The following MUC4 variants were observed in gnomAD, a reference collection of about 807,000 sequenced individuals.
MUC4 encodes mucin 4, cell surface associated.
A neutral mutation model predicts 257.9 loss-of-function variants in MUC4; 202 were observed. The observed-to-expected ratio is 0.78, with a 90% CI of 0.70 to 0.88. MUC4 has a LOEUF of 0.88. MUC4 is among the 40% of genes least tolerant of loss of function. MUC4 has a pLI of 0.00. For synonymous variants in MUC4, 2,351 were observed against 2,757.1 expected, an observed-to-expected ratio of 0.85 and a Z score of 4.62; for missense variants, 5,976 against 6,513.7, an observed-to-expected ratio of 0.92 and a Z score of 2.84.
At chr3:195,778,275 G>C in intron 3 of MUC4, 28 bp downstream of exon 3, 1 of 1,559,092 alleles carries the variant, frequency 6.4e-7, no homozygotes, top group Non-Finnish European at 8.7e-7. Context: ...CCCCTCAAAA[G>C]GCACAGGCCT....
Position 195,783,091 on chromosome 3 carries a change from G to C in MUC4, c.8489C>G (p.Ala2830Gly). 5.4e-6 allele frequency: 4 copies of C among 734,938 alleles called. No individual in the cohort carries two copies. The highest frequency in any genetic ancestry group is 7.7e-6 in the Non-Finnish European group (4 of 516,200). 45.5% of individuals were successfully genotyped at this position (734,938 alleles called of 1,614,324 possible). Residue 2830 changes from alanine to glycine, a missense_variant, in exon 2 of 25, where the codon GCC (alanine) becomes GGC (glycine). By Grantham distance (60) the Ala-to-Gly change is moderately conservative (BLOSUM62 0). This residue lies in a region of MUC4 where 228 missense variants were observed against 206.3 expected (regional missense o/e 1.11). Transcript: ENST00000463781. ...AGGGATGGTGACAGGAAGAGAGGTG[G>C]CATGACCTGTGAACACTGAGGAAGC... ...TDASSVFTGH[A>G]TSLPVTIPSS... is the part of the protein sequence containing the mutation.
At chr3:195,803,343 T>C (rs935005424) in intron 1 of MUC4, among the ~76,000 whole-genome samples, 2 of 152,248 alleles carry the variant, frequency 1.3e-5, no homozygotes, top group Non-Finnish European at 2.9e-5. Flanking sequence ...CTACTTTAAG[T>C]AGAAATCTGG....
chr3:195,752,659 A>G, intron 20 of MUC4: 1 of 607,486 alleles, frequency 1.6e-6, no homozygotes, highest in South Asian at 2.0e-5. Flanking sequence ...TTCCACAGTG[A>G]CAGAAGGTCG....
rs1300341425 is a variant in MUC4 at position 195,747,266 on chromosome 3, C to G, written c.16149G>C (p.Leu5383=). The change falls in exon 25 of 25, where the codon CTG becomes CTC. Residue 5383 remains leucine (L), a synonymous_variant. Transcript: ENST00000463781. ...FFGALGGLLL[L]GVGTFVVLRF... ...GCAGGACCACGAACGTCCCGACCCCCAGCAGCAAGAGGCCGCCCAGGGCCC... is the reference window on the plus strand; with the variant it reads ...GCAGGACCACGAACGTCCCGACCCCGAGCAGCAAGAGGCCGCCCAGGGCCC... The G allele has an allele frequency of 1.2e-6, 2 of 1,614,240 alleles. No homozygotes were observed. The highest frequency in any genetic ancestry group is 3.3e-5 in the Admixed American group (2 of 60,032).
At chr3:195,759,322 C>A in intron 16 of MUC4, 61 bp from the exon 17 acceptor site, 1 of 1,587,292 alleles carries the variant, frequency 6.3e-7, no homozygotes, top group Non-Finnish European at 8.6e-7. Flanking sequence ...TTATCAGCCT[C>A]CTCTCTTTCT....
intron 4 of MUC4, among the ~76,000 whole-genome samples, chr3:195,773,317 C>T (rs1463105314): frequency 6.8e-6 from 1 of 146,434 alleles, no homozygotes; most frequent in Admixed American, 6.8e-5. Context: ...CTCTCTCTAT[C>T]GCTCAGCAGG....
rs1297829994 is a variant in MUC4, at chr3:195,810,572, A to G, written c.82+1164T>C. On this transcript the variant is annotated intron_variant, in intron 1 of 24. Transcript: ENST00000463781. This position sits in a 1 kb window ranked among gnomAD's most constrained non-coding sequence, Gnocchi z 4.2. ...GCCCAAGGCCAATGCCGGGGCTACG[A>G]GCCCCAGGCAAGGCCGTGACCCAAA... Among the ~76,000 whole-genome samples, 1 of 151,968 alleles carries G rather than the reference A, an allele frequency of 6.6e-6. No homozygotes were observed. The highest frequency in any genetic ancestry group is 1.5e-5 in the Non-Finnish European group (1 of 67,978).
At chr3:195,801,977 G>T (rs1009325746) in intron 1 of MUC4, among the ~76,000 whole-genome samples, 1 of 152,014 alleles carries the variant, frequency 6.6e-6, no homozygotes, top group Admixed American at 6.6e-5. Flanking sequence ...CATGTCTCCA[G>T]CCCTTTCCCT....
rs755591314 is a variant in MUC4, at chr3:195,811,825, G to A, written c.-8C>T. The A allele has an allele frequency of 3.7e-6, 6 of 1,613,258 alleles. No homozygotes were observed. The highest frequency in any genetic ancestry group is 1.3e-5 in the African/African-American group (1 of 75,046). Reference sequence around the variant, plus strand: ...CCAGCGTGCCCCCTTCATGGCTGCGGCAAAAGTCCCCCTGGCTCCCTGGGG... The same window carrying A: ...CCAGCGTGCCCCCTTCATGGCTGCGACAAAAGTCCCCCTGGCTCCCTGGGG... On this transcript the variant is annotated 5_prime_UTR_variant, in exon 1 of 25. Coordinates refer to ENST00000463781, the MANE Select transcript of MUC4 (RefSeq NM_018406.7).
rs1036129376 is a variant in MUC4, at chr3:195,780,355, A to C, written c.11225T>G (p.Val3742Gly). 1 of 1,037,292 alleles carries C rather than the reference A, an allele frequency of 9.6e-7. No homozygotes were observed. Among genetic ancestry groups the C allele is most frequent in the Non-Finnish European group, 1.3e-6 (1 of 770,126 alleles). 64.3% of individuals were successfully genotyped at this position (1,037,292 alleles called of 1,614,324 possible). ...TSPSSASTGH[V>G]TPLPVTSTSS... ...AGTGCTGGTGACAGGAAGAGGGGTG[A>C]CGTGACCTGTGGATGCTGAGGAAGG... Residue 3742 changes from valine to glycine, a missense_variant, in exon 2 of 25, where the codon GTC becomes GGC. By Grantham distance (109) the Val-to-Gly change is moderately radical. Transcript: ENST00000463781.
intron 4 of MUC4, among the ~76,000 whole-genome samples, chr3:195,772,161 G>A (rs1487230728): frequency 1.3e-5 from 2 of 150,940 alleles, no homozygotes; most frequent in East Asian, 2.0e-4. Context: ...GGCTCAGGGA[G>A]TGGAACCCTC....
Position 195,781,859 on chromosome 3 carries a change from C to T in MUC4, c.9721G>A (p.Ala3241Thr), listed in dbSNP as rs746162980. Residue 3241 changes from alanine to threonine, a missense_variant, in exon 2 of 25, where the codon GCA becomes ACA. This residue lies in a region of MUC4 where 28 missense variants were observed against 79.1 expected (regional missense o/e 0.35). Transcript: ENST00000463781. The stretch of plus-strand genomic sequence containing the variant: ...AGAGAGGTGGCATGACCGGTGGATG[C>T]TGAGGAAGGGCTAGTGACAGGAAGA... Reference protein sequence around the residue: ...TPLPVTSPSSASTGHATSLPV... With the variant: ...TPLPVTSPSSTSTGHATSLPV... 1.0e-6 allele frequency: 1 copy of T among 953,202 alleles called. No homozygotes were observed. The highest frequency in any genetic ancestry group is 8.4e-5 in the East Asian group (1 of 11,898). The allele number at this position is 953,202 out of a possible 1,614,324, so 59.0% of individuals were successfully genotyped here.
Position 195,779,562 on chromosome 3 carries a change from A to G in MUC4, c.12018T>C (p.Thr4006=). Residue 4006 remains threonine, a synonymous_variant, in exon 2 of 25, where the codon ACT becomes ACC. Transcript: ENST00000463781. Reference sequence around the variant, plus strand: ...TGGCGTGACCTGTAGATACTGAGGAAGTGCTGGTGACAGGAAGAGGGGTGG... The same window carrying G: ...TGGCGTGACCTGTAGATACTGAGGAGGTGCTGGTGACAGGAAGAGGGGTGG... ...GHATPLPVTS[T]SSVSTGHATP... 2.9e-6 allele frequency: 4 copies of G among 1,396,296 alleles called. 1 individual carries two copies. The highest frequency in any genetic ancestry group is 1.9e-6 in the Non-Finnish European group (2 of 1,044,052). 86.5% of individuals were successfully genotyped at this position (1,396,296 alleles called of 1,614,324 possible).
intron 14 of MUC4, among the ~76,000 whole-genome samples, 199 bp from the exon 15 acceptor site, chr3:195,761,784 G>A (rs115531913): frequency 0.022 from 3,375 of 152,270 alleles, 125 homozygotes; most frequent in African/African-American, 0.074. Flanking sequence ...GAGGAAACGC[G>A]GGCAGCGGTG....
intron 19 of MUC4, chr3:195,753,957 C>A: frequency 2.3e-6 from 1 of 438,524 alleles, no homozygotes; most frequent in Non-Finnish European, 3.9e-6. Context: ...CCAGCCCCGT[C>A]CCCTCCCCTA....
At position 195,762,415 on chromosome 3, in the gene MUC4, C is replaced by A. The variant is rs537534956; in HGVS notation, c.14345-161G>T. On this transcript the variant is annotated intron_variant, in intron 13 of 24. Coordinates refer to ENST00000463781, the MANE Select transcript of MUC4 (RefSeq NM_018406.7). The stretch of plus-strand genomic sequence containing the variant: ...AGAAGAGGCCGGCGAGCTGCACGCC[C>A]CGCTCGGGGGTAGAGGCTGCGCTCT... Among the ~76,000 whole-genome samples the A allele has an allele frequency of 7.2e-5, 11 of 152,224 alleles. No homozygotes were observed. The South Asian group carries it at 1.4e-3, about 20-fold the overall frequency.
At position 195,763,475 on chromosome 3, in the gene MUC4, G is replaced by A. The variant is rs774514375; in HGVS notation, c.14211C>T (p.Ala4737=). ...TGCTGGAGCGGTACTGAGCCGCAAAGGCGATGAAGTTGGTGGCCTGGGCTG... is the reference window on the plus strand; with the variant it reads ...TGCTGGAGCGGTACTGAGCCGCAAAAGCGATGAAGTTGGTGGCCTGGGCTG... The part of the protein sequence containing the change: ...TGSAQATNFI[A]FAAQYRSSSL... The change falls in exon 12 of 25, where the codon GCC becomes GCT. Residue 4737 remains alanine (A), a synonymous_variant. Transcript: ENST00000463781. The A allele has an allele frequency of 3.8e-5, 57 of 1,502,970 alleles. No individual in the cohort carries two copies. The highest frequency in any genetic ancestry group is 4.9e-5 in the Non-Finnish European group (55 of 1,119,122). The allele number at this position is 1,502,970 out of a possible 1,614,324, so 93.1% of individuals were successfully genotyped here. A position where few individuals can be genotyped will look rare whatever the true frequency, so the allele number is the denominator to read the frequency against.
At chr3:195,759,533 G>A (rs539419489) in intron 16 of MUC4, among the ~76,000 whole-genome samples, 21 of 152,108 alleles carry the variant, frequency 1.4e-4, no homozygotes, top group Admixed American at 3.9e-4. Context: ...GTGCTATGCT[G>A]GGTATGACAA....
At chr3:195,765,217 G>T in intron 9 of MUC4, 53 bp downstream of exon 9, 1 of 1,588,092 alleles carries the variant, frequency 6.3e-7, no homozygotes. Context: ...GGCTGAGGGC[G>T]TGAGCAGAGA....
Sources: allele counts gnomAD v4.1 joint callset (sites outside exome capture counted in the v4.1 genomes callset), GRCh38; gene constraint gnomAD v4.1.1; regional missense constraint gnomAD v4.1.1; non-coding constraint Gnocchi (gnomAD v3.1); transcripts MANE v1.5; gene names NCBI Gene and HGNC (gene_info 2026-07-23, HGNC 2026-07-21).